HS1BP3: variants seen among roughly 807,000 people sequenced by gnomAD.
HS1BP3 encodes HCLS1 binding protein 3.
Under a neutral mutation model 33.5 loss-of-function variants are expected in HS1BP3, and 32 were observed. The observed-to-expected ratio is 0.95, with a 90% CI of 0.72 to 1.28. The LOEUF is 1.28. Among genes scored for constraint, HS1BP3 ranks in the 50% most tolerant of loss-of-function variants. The pLI is 0.00. For missense variants in HS1BP3, 486 were observed against 502.3 expected (o/e 0.97, Z 0.31); for synonymous variants, 187 against 209.2 (o/e 0.89, Z 0.92).
At chr2:20,590,942 CAGGAAA>C, downstream of HS1BP3, 1 of 167,294 alleles carries the variant, frequency 6.0e-6, no homozygotes. Flanking sequence ...GAAGGGAATC[CAGGAAA>C]CTGCATCTCC....
intron 5 of HS1BP3, among the ~76,000 whole-genome samples, chr2:20,581,777 T>C (rs4666431): frequency 0.77 from 117,742 of 152,198 alleles, 46,350 homozygotes; most frequent in East Asian, 0.85. Flanking sequence ...CATCTGGAGG[T>C]TCAAGTGGGG....
intron 2 of HS1BP3, among the ~76,000 whole-genome samples, chr2:20,643,673 G>C (rs1695428266): frequency 6.6e-6 from 1 of 152,348 alleles, no homozygotes; most frequent in Admixed American, 6.5e-5. Context: ...TGTAATCCCA[G>C]CACTTTGGGA....
chr2:20,598,310 C>T (rs1369736254), intron 2 of HS1BP3: 3 of 357,992 alleles, frequency 8.4e-6, no homozygotes, highest in African/African-American at 4.2e-5. Context: ...GCATTAGATT[C>T]TCATAAGGAG....
chr2:20,632,682 A>C (rs1387309881), intron 4 of HS1BP3, among the ~76,000 whole-genome samples: 1 of 152,216 alleles, frequency 6.6e-6, no homozygotes, highest in Non-Finnish European at 1.5e-5. Flanking sequence ...GAAAATGGCA[A>C]GTGTGACCTC....
At chr2:20,575,064 G>C (rs150079662) in intron 5 of HS1BP3, among the ~76,000 whole-genome samples, 1 of 152,208 alleles carries the variant, frequency 6.6e-6, no homozygotes, top group Non-Finnish European at 1.5e-5. Flanking sequence ...TGCAGACAAC[G>C]TAAACGTCTG....
chr2:20,624,794 A>G lies in HS1BP3; in HGVS notation c.722T>C (p.Leu241Pro). Residue 241 changes from leucine to proline, a missense_variant, in exon 5 of 7, where the codon CTC (leucine) becomes CCC (proline). Physicochemically the swap from Leu to Pro is moderately conservative, Grantham distance 98. Coordinates refer to ENST00000304031, the MANE Select transcript of HS1BP3 (RefSeq NM_022460.4). Reference protein sequence around the residue: ...FDEEVDPDEGLFGPGRKLSPQ... With the variant: ...FDEEVDPDEGPFGPGRKLSPQ... ...AGACAGCTTCCTGCCCGGGCCAAAG[A>G]GCCCCTCATCAGGGTCCACCTCCTC... is the stretch of plus-strand genomic sequence containing the variant. 1.9e-6 allele frequency: 3 copies of G among 1,613,218 alleles called. No homozygotes were observed. The highest frequency in any genetic ancestry group is 2.5e-6 in the Non-Finnish European group (3 of 1,179,572).
intron 5 of HS1BP3, chr2:20,586,330 G>A (rs1021413888): frequency 1.3e-5 from 2 of 152,218 alleles, no homozygotes; most frequent in African/African-American, 4.8e-5. Flanking sequence ...AGCTGGGGAA[G>A]GGGCTGTTTC....
At chr2:20,597,428 C>T (rs1336692383) in intron 3 of HS1BP3, among the ~76,000 whole-genome samples, 5 of 152,196 alleles carry the variant, frequency 3.3e-5, no homozygotes, top group South Asian at 4.1e-4. Flanking sequence ...GTTCTACCAC[C>T]GACCTGCTGG....
intron 3 of HS1BP3, among the ~76,000 whole-genome samples, chr2:20,593,619 G>A (rs147144327): frequency 4.6e-5 from 7 of 152,214 alleles, no homozygotes; most frequent in African/African-American, 1.4e-4. Flanking sequence ...AGCCAGACAT[G>A]TTGGCTCAGC....
At chr2:20,641,785 G>A (rs1052889859) in intron 2 of HS1BP3, among the ~76,000 whole-genome samples, 3 of 152,194 alleles carry the variant, frequency 2.0e-5, no homozygotes, top group African/African-American at 7.2e-5. Flanking sequence ...CTCAGAGAGG[G>A]CAGCACTCAG....
chr2:20,615,464 G>A (rs144030599), downstream of HS1BP3, among the ~76,000 whole-genome samples: 1 of 152,374 alleles, frequency 6.6e-6, no homozygotes, highest in Non-Finnish European at 1.5e-5. Flanking sequence ...AGCGATCAGA[G>A]TTTGTAGTGA....
At chr2:20,605,577 C>T (rs1257308468) in intron 2 of HS1BP3, among the ~76,000 whole-genome samples, 1 of 152,174 alleles carries the variant, frequency 6.6e-6, no homozygotes, top group Non-Finnish European at 1.5e-5. Flanking sequence ...AAAGGAAAAC[C>T]TATACCTCCC....
chr2:20,592,582 C>T (rs1693843561), downstream of HS1BP3: 1 of 159,348 alleles, frequency 6.3e-6, no homozygotes, highest in Non-Finnish European at 1.5e-5. Context: ...TAGCAAATGA[C>T]CACAAACTGG....
At chr2:20,577,111 G>A (rs1693419519) in intron 5 of HS1BP3, among the ~76,000 whole-genome samples, 1 of 152,248 alleles carries the variant, frequency 6.6e-6, no homozygotes, top group African/African-American at 2.4e-5. Context: ...GCTTGTCACT[G>A]GGCCTAGATG....
At chr2:20,554,663 A>G in the HS1BP3 span, among the ~76,000 whole-genome samples, 53,599 of 150,116 alleles carry the variant, frequency 0.36, 11,621 homozygotes, top group South Asian at 0.53. Flanking sequence ...CGGAGGTTGC[A>G]ATTGCACTCA....
downstream of HS1BP3, among the ~76,000 whole-genome samples, chr2:20,590,200 G>A (rs1693778237): frequency 6.6e-6 from 1 of 152,144 alleles, no homozygotes; most frequent in Non-Finnish European, 1.5e-5. Context: ...TGCACCCCCG[G>A]GCTCTGTGTG....
chr2:20,560,256 T>G (rs541259340), downstream of HS1BP3, among the ~76,000 whole-genome samples: 1 of 152,282 alleles, frequency 6.6e-6, no homozygotes, highest in African/African-American at 2.4e-5. Flanking sequence ...GACCAGGACA[T>G]GGCCAGGCCC....
At position 20,630,274 on chromosome 2, in the gene HS1BP3, T is replaced by C. The variant is rs535096350; in HGVS notation, c.624-5382A>G. On this transcript the variant is annotated intron_variant, in intron 4 of 6. Coordinates refer to ENST00000304031, the MANE Select transcript of HS1BP3 (RefSeq NM_022460.4). ...TGGTGTCTTTTTGTTTTTTGGGTTTTTGTTTGTTTTTTTGAGACAGGGTCT... is the reference window on the plus strand; with the variant it reads ...TGGTGTCTTTTTGTTTTTTGGGTTTCTGTTTGTTTTTTTGAGACAGGGTCT... Among the ~76,000 whole-genome samples, 5 of 152,310 alleles carry C rather than the reference T, an allele frequency of 3.3e-5. No homozygotes were observed. The South Asian group carries it at 8.3e-4, about 25-fold the overall frequency.
chr2:20,644,828 G>A (rs761227265), intron 2 of HS1BP3, among the ~76,000 whole-genome samples: 4 of 152,118 alleles, frequency 2.6e-5, no homozygotes, highest in Admixed American at 6.5e-5. Context: ...CCAGGCTCCC[G>A]CAGACTCTCC....
Sources: allele counts gnomAD v4.1 joint callset (sites outside exome capture counted in the v4.1 genomes callset), GRCh38; gene constraint gnomAD v4.1.1; transcripts MANE v1.5; gene names NCBI Gene and HGNC (gene_info 2026-07-23, HGNC 2026-07-21).